Variants in TEP1 observed in about 807,000 individuals in gnomAD.
TEP1 encodes the protein telomerase associated protein 1.
A neutral mutation model predicts 306.3 loss-of-function variants in TEP1; 241 were observed. The ratio of observed to expected loss-of-function variants is 0.79; its 90% CI spans 0.71 to 0.88. The LOEUF (loss-of-function observed/expected upper bound fraction) is 0.88, where lower values mean the gene tolerates loss of function less well. TEP1 is among the 40% of genes least tolerant of loss of function. The pLI is 0.00. For synonymous variants in TEP1, 1,289 were observed against 1,305.5 expected (o/e 0.99, Z 0.27); for missense variants, 3,051 against 3,276.1 (o/e 0.93, Z 1.68).
chr14:20,391,463 C>T (rs1172268410), intron 13 of TEP1, 136 bp downstream of exon 13: 1 of 1,092,820 alleles, frequency 9.2e-7, no homozygotes, highest in Non-Finnish European at 1.3e-6. Context: ...AGGACTGATA[C>T]TTGGAAGCAA....
Position 20,404,729 on chromosome 14 carries a change from G to A in TEP1, c.914C>T (p.Ala305Val). 1 of 1,613,930 alleles carries A rather than the reference G, an allele frequency of 6.2e-7. No individual in the cohort carries two copies. Among genetic ancestry groups the A allele is most frequent in the East Asian group, 2.2e-5 (1 of 44,880 alleles). Reference protein sequence around the residue: ...ARQQLNVRNVANNILAIAAFL... With the variant: ...ARQQLNVRNVVNNILAIAAFL... ...AGCAGCAATGGCCAAGATGTTATTG[G>A]CCACATTCCGGACGTTCAGCTGCTG... The change falls in exon 5 of 55, where the codon GCC becomes GTC. Residue 305 changes from alanine (A) to valine (V), a missense_variant. Ala to Val is a moderately conservative substitution (Grantham distance 64). Transcript: ENST00000262715.
intron 49 of TEP1, among the ~76,000 whole-genome samples, chr14:20,372,380 ATGTGTG>A (rs59329010): frequency 3.5e-4 from 49 of 139,644 alleles, no homozygotes; most frequent in South Asian, 2.5e-3. Context: ...GTGTGTGTGT[ATGTGTG>A]TGTGTGTGTG....
intron 9 of TEP1, among the ~76,000 whole-genome samples, chr14:20,397,007 A>G (rs1397904338): frequency 3.3e-5 from 5 of 152,218 alleles, no homozygotes; most frequent in Non-Finnish European, 7.3e-5. Context: ...TTCACATACA[A>G]TCTACCCTAC....
Position 20,381,006 on chromosome 14 carries a change from T to C in TEP1, c.4687A>G (p.Thr1563Ala). ...GNRGLLSKFL[T>A]NLHVVAAHLE... ...TGTGCAGCCACCACATGGAGGTTGGTAAGGAACTTCGAAAGAAGTCCACGG... is the reference window on the plus strand; with the variant it reads ...TGTGCAGCCACCACATGGAGGTTGGCAAGGAACTTCGAAAGAAGTCCACGG... Residue 1563 changes from threonine to alanine, a missense_variant, in exon 33 of 55, where the codon ACC becomes GCC. Thr to Ala is a moderately conservative substitution (Grantham distance 58). Coordinates refer to ENST00000262715, the MANE Select transcript of TEP1 (RefSeq NM_007110.5). The surrounding 1 kb of genome is among the most constrained non-coding windows in gnomAD (Gnocchi z 4.0). 2 of 1,613,974 alleles carry C rather than the reference T, an allele frequency of 1.2e-6. No individual in the cohort carries two copies. Among genetic ancestry groups the C allele is most frequent in the South Asian group, 2.2e-5 (2 of 91,072 alleles).
In TEP1 at chr14:20,410,599, C is replaced by CTTT. The variant is rs35446613; in HGVS notation, c.-24-2139_-24-2137dup. Among the ~76,000 whole-genome samples, 449 of 138,842 alleles carry CTTT rather than the reference C, an allele frequency of 3.2e-3. 4 individuals are homozygous for CTTT. Among genetic ancestry groups the CTTT allele is most frequent in the African/African-American group, 0.01 (390 of 37,594 alleles). 91.1% of individuals were successfully genotyped at this position (138,842 alleles called of 152,430 possible). A position where few individuals can be genotyped will look rare whatever the true frequency, so the allele number is the denominator to read the frequency against. The stretch of plus-strand genomic sequence containing the variant: ...CACTATGCCCAGCTGATTTTTTTTT[C>CTTT]TTTTTTTTTTTTTGTATTTTTAGTA... On this transcript the variant is annotated intron_variant, in intron 1 of 54. Coordinates refer to ENST00000262715, the MANE Select transcript of TEP1 (RefSeq NM_007110.5).
chr14:20,403,696 G>A, intron 6 of TEP1, 27 bp downstream of exon 6: 1 of 1,612,724 alleles, frequency 6.2e-7, no homozygotes, highest in East Asian at 2.2e-5. Flanking sequence ...AAAGGGGCGT[G>A]GGTCGAGGGC....
chr14:20,383,656 G>A lies in TEP1; in HGVS notation c.3711-12C>T, dbSNP rs760739657. The A allele has an allele frequency of 1.2e-6, 2 of 1,611,968 alleles. No homozygotes were observed. The highest frequency in any genetic ancestry group is 1.7e-6 in the Non-Finnish European group (2 of 1,179,374). On this transcript the variant is annotated splice_polypyrimidine_tract_variant and intron_variant, in intron 25 of 54. Coordinates refer to ENST00000262715, the MANE Select transcript of TEP1 (RefSeq NM_007110.5). ...CCCACACCAGGCTTCTGTACATGGA[G>A]AGGAAGTCAGGGTCAGTGGGAGAGA...
chr14:20,369,845 C>G, intron 51 of TEP1, 66 bp from the exon 52 acceptor site: 1 of 1,287,432 alleles, frequency 7.8e-7, no homozygotes, highest in Non-Finnish European at 1.1e-6. Context: ...GACAAAACAA[C>G]AGTTTTCTGC....
chr14:20,390,735 C>A lies in TEP1; in HGVS notation c.2280G>T (p.Trp760Cys). 6.2e-7 allele frequency: 1 copy of A among 1,614,158 alleles called. No individual in the cohort carries two copies. The highest frequency in any genetic ancestry group is 1.1e-5 in the South Asian group (1 of 91,078). Residue 760 changes from tryptophan (W) to cysteine (C), a missense_variant, in exon 15 of 55, where the codon TGG (tryptophan) becomes TGT (cysteine). By Grantham distance (215) the Trp-to-Cys change is radical. Around this residue, in one of 3 missense-constraint regions of TEP1, gnomAD observed 1,507 missense variants for 1,550.5 expected, o/e 0.97. Transcript: ENST00000262715. ...GGTATTTCCCAAAAGTATTCAGGGA[C>A]CATCCATCATTTTCATCAAACTCCT... Reference protein sequence around the residue: ...QVQEFDENDGWSLNTFGKYLL... With the variant: ...QVQEFDENDGCSLNTFGKYLL...
intron 9 of TEP1, 145 bp downstream of exon 9, chr14:20,400,839 C>T (rs1878651290): frequency 9.9e-7 from 1 of 1,013,124 alleles, no homozygotes; most frequent in Non-Finnish European, 1.4e-6. Context: ...TTGGTGTAGT[C>T]AATGGCAGAC....
Position 20,367,828 on chromosome 14 carries a change from C to T in TEP1, c.*609G>A, listed in dbSNP as rs1884565198. The T allele has an allele frequency of 6.6e-6, 1 of 152,466 alleles. No homozygotes were observed. Among genetic ancestry groups the T allele is most frequent in the Admixed American group, 6.5e-5 (1 of 15,282 alleles). The allele number at this position is 152,466 out of a possible 1,614,324, so 9.4% of individuals were successfully genotyped here. A position where few individuals can be genotyped will look rare whatever the true frequency, so the allele number is the denominator to read the frequency against. ...GTTTCACTATGTTAGCCAGGATGGT[C>T]TTGATCTCCTGACCTCGTGATCTGC... On this transcript the variant is annotated 3_prime_UTR_variant, in exon 55 of 55. Transcript: ENST00000262715.
rs1402560635 is a variant in TEP1, at chr14:20,369,723, C to G, written c.7374G>C (p.Glu2458Asp). 6.2e-7 allele frequency: 1 copy of G among 1,614,182 alleles called. No individual in the cohort carries two copies. Among genetic ancestry groups the G allele is most frequent in the Non-Finnish European group, 8.5e-7 (1 of 1,180,036 alleles). Residue 2458 changes from glutamate to aspartate, a missense_variant, in exon 52 of 55, where the codon GAG becomes GAC. By Grantham distance (45) the Glu-to-Asp change is conservative. Transcript: ENST00000262715. ...EERLNFDINL[E>D]NPSRTLISIT... is the part of the protein sequence containing the mutation. ...TCGATATTAGGGTCCTACTAGGATT[C>G]TCTAAGTTTATATCAAAGTTCAGCC...
rs115694001 is a variant in TEP1 at position 20,380,909 on chromosome 14, C to T, written c.4762+22G>A. On this transcript the variant is annotated intron_variant, in intron 33 of 54. Coordinates refer to ENST00000262715, the MANE Select transcript of TEP1 (RefSeq NM_007110.5). ...AGGAGTCCCATATCTCAGAGAAGAA[C>T]CCAGCCAGTGACTCATCTCACCATA... 1,205 of 1,600,688 alleles carry T rather than the reference C, an allele frequency of 7.5e-4. 10 individuals are homozygous for T. The African/African-American group carries it at 0.013, about 17-fold the overall frequency.
rs760414472 is a variant in TEP1, at chr14:20,391,666, C to T, written c.2030G>A (p.Arg677His). The T allele has an allele frequency of 1.5e-5, 24 of 1,614,030 alleles. No homozygotes were observed. The Admixed American group carries it at 2.7e-4, about 18-fold the overall frequency. Residue 677 changes from arginine to histidine, a missense_variant, in exon 13 of 55, where the codon CGC becomes CAC. Coordinates refer to ENST00000262715, the MANE Select transcript of TEP1 (RefSeq NM_007110.5). ...VKHSLPLLPG[R>H]TVLVYLTDAN... is the part of the protein sequence containing the mutation. Reference sequence around the variant, plus strand: ...ATCTGTCAGATAGACCAAGACAGTGCGGCCTGGCAGCAGGGGCAGGCTGTG... The same window carrying T: ...ATCTGTCAGATAGACCAAGACAGTGTGGCCTGGCAGCAGGGGCAGGCTGTG...
chr14:20,394,215 T>G (rs945924549), intron 12 of TEP1, among the ~76,000 whole-genome samples: 1 of 152,226 alleles, frequency 6.6e-6, no homozygotes, highest in African/African-American at 2.4e-5. Context: ...TAGGTGGGAC[T>G]ACAAGTGCAA....
intron 39 of TEP1, 100 bp downstream of exon 39, chr14:20,377,924 C>T: frequency 6.6e-7 from 1 of 1,505,936 alleles, no homozygotes; most frequent in Non-Finnish European, 9.1e-7. Context: ...ATCCAAGCTC[C>T]TCCACAGTCT....
At chr14:20,370,239 CG>C (rs35159459) in intron 51 of TEP1, among the ~76,000 whole-genome samples, 22,686 of 152,162 alleles carry the variant, frequency 0.15, 1,731 homozygotes, top group East Asian at 0.18. Flanking sequence ...AAATGTACAT[CG>C]GCGATGTATT....
chr14:20,382,789 C>T, intron 27 of TEP1, 74 bp from the exon 28 acceptor site: 1 of 1,417,854 alleles, frequency 7.1e-7, no homozygotes, highest in South Asian at 1.2e-5. Context: ...AGCACCAGCC[C>T]CTCTGCCAGG....
In TEP1 at chr14:20,369,652, A is replaced by G. The variant is rs755559152; in HGVS notation, c.7423+22T>C. ...ACCCTGGGCCATCTCCCGGCTCCTC[A>G]GGTCCTCCTGTTACCACTCACCAGA... is the stretch of plus-strand genomic sequence containing the variant. On this transcript the variant is annotated intron_variant, in intron 52 of 54. Coordinates refer to ENST00000262715, the MANE Select transcript of TEP1 (RefSeq NM_007110.5). The G allele has an allele frequency of 1.9e-6, 3 of 1,613,196 alleles. No homozygotes were observed. The South Asian group carries it at 3.3e-5, about 18-fold the overall frequency.
Sources: gnomAD v4.1 joint callset for allele counts (sites outside exome capture counted in the v4.1 genomes callset) on GRCh38, gnomAD v4.1.1 for gene constraint, gnomAD v4.1.1 regional missense constraint, Gnocchi (gnomAD v3.1) non-coding constraint, MANE v1.5 for transcripts, NCBI Gene and HGNC (gene_info 2026-07-23, HGNC 2026-07-21) for gene names.